Variants in RASEF observed in about 807,000 individuals in gnomAD.
RASEF encodes RAS and EF-hand domain containing, also known as ras and EF-hand domain-containing protein.
Under a neutral mutation model 90.1 loss-of-function variants are expected in RASEF, and 68 were observed. The ratio of observed to expected loss-of-function variants is 0.75; its 90% CI spans 0.62 to 0.92. RASEF has a LOEUF of 0.92. Ranked by LOEUF, RASEF falls within the 40% of genes least tolerant of loss-of-function variation. The pLI, the probability that RASEF is intolerant of heterozygous loss-of-function variation, is 0.00. For synonymous variants in RASEF, 331 were observed against 345.2 expected, an observed-to-expected ratio of 0.96 and a Z score of 0.46; for missense variants, 949 against 937.2, an observed-to-expected ratio of 1.01 and a Z score of -0.16.
At chr9:83,198,121 C>T in the RASEF span, among the ~76,000 whole-genome samples, 4 of 151,984 alleles carry the variant, frequency 2.6e-5, no homozygotes, top group Non-Finnish European at 5.9e-5. Context: ...GTTAAGAGAC[C>T]GCAGCTCATT....
chr9:83,001,227 C>T lies in RASEF; in HGVS notation c.1203-97G>A, dbSNP rs142667048. The T allele has an allele frequency of 1.1e-3, 858 of 805,392 alleles. 13 individuals are homozygous for T. The East Asian group carries it at 0.021, about 20-fold the overall frequency. 49.9% of individuals were successfully genotyped at this position (805,392 alleles called of 1,614,324 possible). On this transcript the variant is annotated intron_variant, in intron 9 of 16. Transcript: ENST00000376447. ...ATGCCATTAGATGGAATCAAGTAGGCCGACTGTGGCTAAGAGCCGCAGTGT... is the reference window on the plus strand; with the variant it reads ...ATGCCATTAGATGGAATCAAGTAGGTCGACTGTGGCTAAGAGCCGCAGTGT...
chr9:83,081,361 T>A, the RASEF span, among the ~76,000 whole-genome samples: 94 of 152,354 alleles, frequency 6.2e-4, no homozygotes, highest in Admixed American at 1.6e-3. Flanking sequence ...TGCCTCTCAT[T>A]CTTGATAGTC....
the RASEF span, among the ~76,000 whole-genome samples, chr9:83,159,782 T>A: frequency 6.6e-6 from 1 of 152,202 alleles, no homozygotes; most frequent in Non-Finnish European, 1.5e-5. Context: ...TTTAGCTGTG[T>A]CCTCACCCAA....
At chr9:83,049,290 T>A (rs745925913) in intron 1 of RASEF, 1 of 984,842 alleles carries the variant, frequency 1.0e-6, no homozygotes, top group Non-Finnish European at 1.2e-6. Flanking sequence ...ATCAATGACA[T>A]CAGAATTAGC....
At chr9:83,143,799 T>A in the RASEF span, among the ~76,000 whole-genome samples, 11 of 152,182 alleles carry the variant, frequency 7.2e-5, no homozygotes, top group African/African-American at 2.7e-4. Flanking sequence ...AGCAATCCCA[T>A]TACTGGGTAT....
the RASEF span, among the ~76,000 whole-genome samples, chr9:83,087,757 C>G: frequency 6.6e-6 from 1 of 151,776 alleles, no homozygotes; most frequent in Non-Finnish European, 1.5e-5. Context: ...TGTTTCTATT[C>G]TCTGTTTCAT....
intron 16 of RASEF, among the ~76,000 whole-genome samples, chr9:82,984,527 T>C (rs951716872): frequency 1.3e-5 from 2 of 152,182 alleles, no homozygotes; most frequent in Non-Finnish European, 2.9e-5. Flanking sequence ...TTTTCATATT[T>C]GATATATACC....
At chr9:83,076,593 ATTAT>A in the RASEF span, among the ~76,000 whole-genome samples, 21 of 152,186 alleles carry the variant, frequency 1.4e-4, no homozygotes, top group Non-Finnish European at 2.9e-4. Flanking sequence ...CAATAAACAA[ATTAT>A]TTATTTTTCT....
the RASEF span, among the ~76,000 whole-genome samples, chr9:83,110,058 A>G: frequency 1.3e-5 from 2 of 152,186 alleles, no homozygotes; most frequent in Non-Finnish European, 2.9e-5. Context: ...AAACAATCAT[A>G]TTTTTGAAGA....
At chr9:83,137,800 A>AAT in the RASEF span, among the ~76,000 whole-genome samples, 1 of 150,528 alleles carries the variant, frequency 6.6e-6, no homozygotes, top group Admixed American at 6.6e-5. Flanking sequence ...TGATTGAAAA[A>AAT]AAAAAATGAA....
the RASEF span, among the ~76,000 whole-genome samples, chr9:83,128,849 C>T: frequency 4.6e-5 from 7 of 152,098 alleles, no homozygotes; most frequent in African/African-American, 1.4e-4. Context: ...GTAGCATGGC[C>T]GAGTGAGGCC....
At chr9:83,165,644 T>C in the RASEF span, among the ~76,000 whole-genome samples, 1 of 152,024 alleles carries the variant, frequency 6.6e-6, no homozygotes, top group South Asian at 2.1e-4. Flanking sequence ...CACGAAATCA[T>C]AAAAATTAGA....
chr9:82,984,948 G>A (rs1051476955), intron 16 of RASEF, among the ~76,000 whole-genome samples: 4 of 152,138 alleles, frequency 2.6e-5, no homozygotes, highest in African/African-American at 7.2e-5. Flanking sequence ...TGGGCTTCAC[G>A]GAAATGGGGC....
intron 4 of RASEF, among the ~76,000 whole-genome samples, chr9:83,014,003 G>C (rs1037300528): frequency 1.3e-5 from 2 of 152,172 alleles, no homozygotes; most frequent in Admixed American, 6.5e-5. Context: ...TTACTGTTCA[G>C]ACCACTTGGG....
chr9:83,190,390 G>A, the RASEF span, among the ~76,000 whole-genome samples: 24 of 151,970 alleles, frequency 1.6e-4, no homozygotes, highest in South Asian at 1.0e-3. Context: ...TATCTATTTC[G>A]TTCTAGTGGA....
chr9:83,218,160 T>C, the RASEF span, among the ~76,000 whole-genome samples: 1 of 152,170 alleles, frequency 6.6e-6, no homozygotes, highest in African/African-American at 2.4e-5. Context: ...AAAGGTAGCA[T>C]GAATAAACAC....
chr9:83,017,686 A>C (rs1829368874), intron 3 of RASEF, among the ~76,000 whole-genome samples: 1 of 152,212 alleles, frequency 6.6e-6, no homozygotes, highest in Admixed American at 6.5e-5. Context: ...AATGGAGGGA[A>C]TACGTCCCAA....
At chr9:83,102,091 G>T in the RASEF span, among the ~76,000 whole-genome samples, 2 of 152,238 alleles carry the variant, frequency 1.3e-5, no homozygotes, top group South Asian at 4.2e-4. Flanking sequence ...AGAGACATTT[G>T]TTTTTGATAG....
chr9:82,994,957 C>T lies in RASEF; in HGVS notation c.1921-1932G>A, dbSNP rs116456474. Among the ~76,000 whole-genome samples, 769 of 152,326 alleles carry T rather than the reference C, an allele frequency of 5.0e-3. 7 individuals carry two copies. The highest frequency in any genetic ancestry group is 0.018 in the African/African-American group (743 of 41,580). ...TATTTACAGTGGCCATATAAACTGTCCCTGTAGGAGTTCCTCAAATTAGAA... is the reference window on the plus strand; with the variant it reads ...TATTTACAGTGGCCATATAAACTGTTCCTGTAGGAGTTCCTCAAATTAGAA... On this transcript the variant is annotated intron_variant, in intron 14 of 16. Coordinates refer to ENST00000376447, the MANE Select transcript of RASEF (RefSeq NM_152573.4).
Sources: allele counts gnomAD v4.1 joint callset (sites outside exome capture counted in the v4.1 genomes callset), GRCh38; gene constraint gnomAD v4.1.1; transcripts MANE v1.5; gene names NCBI Gene and HGNC (gene_info 2026-07-23, HGNC 2026-07-21).